The following ZNF407 variants were observed in gnomAD, a reference collection of about 807,000 sequenced individuals.
ZNF407 encodes zinc finger protein 407.
In ZNF407, 17 loss-of-function variants were observed where a neutral mutation model predicts 131.2. That is an observed-to-expected ratio of 0.13 (90% CI 0.09 to 0.19). The LOEUF (loss-of-function observed/expected upper bound fraction) is 0.19, where lower values mean the gene tolerates loss of function less well. Among genes scored for constraint, ZNF407 ranks in the 10% least tolerant of loss-of-function variants. The pLI, the probability that ZNF407 is intolerant of heterozygous loss-of-function variation, is 1.00. For synonymous variants in ZNF407, 1,156 were observed against 1,062.0 expected, an observed-to-expected ratio of 1.09 and a Z score of -1.72; for missense variants, 2,681 against 2,830.6, an observed-to-expected ratio of 0.95 and a Z score of 1.20.
intron 8 of ZNF407, among the ~76,000 whole-genome samples, chr18:74,965,166 A>G (rs1246063434): frequency 1.3e-5 from 2 of 152,178 alleles, no homozygotes; most frequent in African/African-American, 2.4e-5. Context: ...TAACAATCCA[A>G]TTATACTCTT....
At chr18:74,629,289 C>A (rs544251663) in intron 1 of ZNF407, among the ~76,000 whole-genome samples, 3 of 152,088 alleles carry the variant, frequency 2.0e-5, no homozygotes, top group Non-Finnish European at 4.4e-5. Flanking sequence ...GTTTGATTTG[C>A]ATTTCTTTAG....
intron 7 of ZNF407, among the ~76,000 whole-genome samples, chr18:74,915,489 TG>T (rs1971740325): frequency 6.8e-6 from 1 of 147,854 alleles, no homozygotes; most frequent in Non-Finnish European, 1.5e-5. Context: ...TGTGTGTGTG[TG>T]TGTGTGTTCA....
At chr18:74,887,781 GT>G (rs1971330507) in intron 6 of ZNF407, among the ~76,000 whole-genome samples, 1 of 152,034 alleles carries the variant, frequency 6.6e-6, no homozygotes, top group South Asian at 2.1e-4. Flanking sequence ...TGCATGTTTG[GT>G]GGTATTATTC....
At chr18:74,679,213 T>TA (rs1966924840) in intron 3 of ZNF407, among the ~76,000 whole-genome samples, 1 of 152,260 alleles carries the variant, frequency 6.6e-6, no homozygotes, top group Non-Finnish European at 1.5e-5. Flanking sequence ...CTGAAAAACG[T>TA]AATTGCCATC....
intron 8 of ZNF407, among the ~76,000 whole-genome samples, chr18:74,929,566 T>C (rs1418067975): frequency 6.6e-6 from 1 of 152,202 alleles, no homozygotes; most frequent in Non-Finnish European, 1.5e-5. Context: ...ACTAATTCAA[T>C]ATAACTTACA....
intron 8 of ZNF407, among the ~76,000 whole-genome samples, chr18:75,029,778 G>A (rs1435750345): frequency 3.9e-5 from 6 of 152,212 alleles, no homozygotes; most frequent in Non-Finnish European, 8.8e-5. Context: ...GTCAACATGC[G>A]TGAGTACAGT....
chr18:74,946,870 C>T (rs1373916251), intron 8 of ZNF407, among the ~76,000 whole-genome samples: 1 of 152,176 alleles, frequency 6.6e-6, no homozygotes, highest in East Asian at 1.9e-4. Context: ...GTGACTGTTT[C>T]AGTACATTTT....
At chr18:74,887,444 T>C (rs1463928485) in intron 6 of ZNF407, among the ~76,000 whole-genome samples, 1 of 152,100 alleles carries the variant, frequency 6.6e-6, no homozygotes, top group African/African-American at 2.4e-5. Context: ...CTCTGCTTGG[T>C]ATATAGTCTT....
intron 4 of ZNF407, among the ~76,000 whole-genome samples, chr18:74,789,206 T>A (rs937179537): frequency 6.6e-6 from 1 of 152,022 alleles, no homozygotes; most frequent in Non-Finnish European, 1.5e-5. Flanking sequence ...TACTTTAGGA[T>A]GAGTGGTTAG....
intron 8 of ZNF407, among the ~76,000 whole-genome samples, chr18:74,983,251 T>A (rs901734983): frequency 6.6e-6 from 1 of 152,226 alleles, no homozygotes; most frequent in Non-Finnish European, 1.5e-5. Flanking sequence ...CATTCAGAGC[T>A]TGCTGCTAGA....
chr18:74,813,707 C>T lies in ZNF407; in HGVS notation c.4877+32205C>T, dbSNP rs147573050. On this transcript the variant is annotated intron_variant, in intron 4 of 8. Coordinates refer to ENST00000299687, the MANE Select transcript of ZNF407 (RefSeq NM_017757.3). Reference sequence around the variant, plus strand: ...CTGTTCATAGCTTAGCTCCAAGGGCCCCTTTGTCCGCCTCCTCCTCTAATT... The same window carrying T: ...CTGTTCATAGCTTAGCTCCAAGGGCTCCTTTGTCCGCCTCCTCCTCTAATT... Among the ~76,000 whole-genome samples the T allele has an allele frequency of 1.5e-3, 223 of 152,240 alleles. 1 individual carries two copies. The highest frequency in any genetic ancestry group is 5.3e-3 in the African/African-American group (220 of 41,520).
At chr18:74,815,455 C>G (rs777242193) in intron 4 of ZNF407, among the ~76,000 whole-genome samples, 8 of 152,060 alleles carry the variant, frequency 5.3e-5, no homozygotes, top group African/African-American at 1.7e-4. Flanking sequence ...TTGTCCCTGT[C>G]TTTATCATAT....
Position 75,063,239 on chromosome 18 carries a change from G to T in ZNF407, c.5518G>T (p.Ala1840Ser), listed in dbSNP as rs778156240. Residue 1840 changes from alanine to serine, a missense_variant, in exon 9 of 9, where the codon GCA (alanine) becomes TCA (serine). By Grantham distance (99) the Ala-to-Ser change is moderately conservative. This residue lies in a region of ZNF407 where 620 missense variants were observed against 583.1 expected (regional missense o/e 1.06). Coordinates refer to ENST00000299687, the MANE Select transcript of ZNF407 (RefSeq NM_017757.3). The surrounding 1 kb of genome is among the most constrained non-coding windows in gnomAD (Gnocchi z 6.6). ...CAGCCCCTTCACCGCGGCGGCCTTG[G>T]CAGAAGAGCCCCTCGTCAAGGAGAA... Reference protein sequence around the residue: ...TDSPFTAAALAEEPLVKEKPL... With the variant: ...TDSPFTAAALSEEPLVKEKPL... 4 of 1,613,550 alleles carry T rather than the reference G, an allele frequency of 2.5e-6. No homozygotes were observed. The highest frequency in any genetic ancestry group is 3.4e-6 in the Non-Finnish European group (4 of 1,179,852).
rs1217674316 is a variant in ZNF407 at position 75,060,741 on chromosome 18, G to A, written c.5429-2409G>A. On this transcript the variant is annotated intron_variant, in intron 8 of 8. Coordinates refer to ENST00000299687, the MANE Select transcript of ZNF407 (RefSeq NM_017757.3). ...AGGATGGTCTCGATCTCCTGACCTC[G>A]TGATCCGTCCGCCTCGGCCTCCCAA... Among the ~76,000 whole-genome samples, 16 of 152,040 alleles carry A rather than the reference G, an allele frequency of 1.1e-4. 1 individual carries two copies. The South Asian group carries it at 2.3e-3, about 22-fold the overall frequency.
chr18:75,026,825 G>A (rs1012118550), intron 8 of ZNF407, among the ~76,000 whole-genome samples: 4 of 152,140 alleles, frequency 2.6e-5, no homozygotes, highest in Admixed American at 6.5e-5. Context: ...TCAGAACCTC[G>A]TGCCCTCAGC....
intron 8 of ZNF407, among the ~76,000 whole-genome samples, chr18:74,945,122 C>T (rs556350969): frequency 1.3e-5 from 2 of 152,182 alleles, no homozygotes; most frequent in South Asian, 4.1e-4. Context: ...TTTTTTAACC[C>T]GGGTAGAAGT....
At chr18:74,783,856 C>A (rs1464462292) in intron 4 of ZNF407, among the ~76,000 whole-genome samples, 2 of 152,150 alleles carry the variant, frequency 1.3e-5, no homozygotes, top group Non-Finnish European at 2.9e-5. Context: ...TTTAAAAATT[C>A]TTTGAGAGGA....
At position 74,616,976 on chromosome 18, in the gene ZNF407, A is replaced by G. The variant is rs1241011395; in HGVS notation, c.-53-13991A>G. 3.0e-4 allele frequency among the ~76,000 whole-genome samples: 36 copies of G among 119,196 alleles called. 1 individual carries two copies. The highest frequency in any genetic ancestry group is 3.9e-4 in the African/African-American group (11 of 28,334). 78.2% of individuals were successfully genotyped at this position (119,196 alleles called of 152,430 possible). ...ACGCATCCATATCCACGCACCACAC[A>G]CATCCATATCCACGCACCACACGCA... On this transcript the variant is annotated intron_variant, in intron 1 of 8. Coordinates refer to ENST00000299687, the MANE Select transcript of ZNF407 (RefSeq NM_017757.3).
At chr18:74,905,604 T>A (rs1971585444) in intron 7 of ZNF407, 1 of 152,270 alleles carries the variant, frequency 6.6e-6, no homozygotes, top group Non-Finnish European at 1.5e-5. Context: ...GGCACTGTGC[T>A]GTTTTAGAAT....
Sources: allele counts gnomAD v4.1 joint callset (sites outside exome capture counted in the v4.1 genomes callset), GRCh38; gene constraint gnomAD v4.1.1; regional missense constraint gnomAD v4.1.1; non-coding constraint Gnocchi (gnomAD v3.1); transcripts MANE v1.5; gene names NCBI Gene and HGNC (gene_info 2026-07-23, HGNC 2026-07-21).